Variants in EMILIN3 observed in about 807,000 individuals in gnomAD.
EMILIN3 encodes EMILIN-3.
Under a neutral mutation model 42.8 loss-of-function variants are expected in EMILIN3, and 38 were observed. The observed-to-expected ratio is 0.89, with a 90% CI of 0.69 to 1.16. EMILIN3 has a LOEUF of 1.16. Among genes scored for constraint, EMILIN3 ranks in the 50% most tolerant of loss-of-function variants. The probability of loss-of-function intolerance (pLI) is 0.00; values close to 1 mark genes in which losing one functional copy is unlikely to be tolerated. For synonymous variants in EMILIN3, 430 were observed against 440.5 expected (o/e 0.98, Z 0.30); for missense variants, 924 against 999.5 (o/e 0.92, Z 1.02).
rs371368537 is a variant in EMILIN3, at chr20:41,361,473, G to A, written c.2096C>T (p.Ala699Val). The A allele has an allele frequency of 6.8e-6, 11 of 1,607,308 alleles. No homozygotes were observed. The East Asian group carries it at 1.6e-4, about 23-fold the overall frequency. The change falls in exon 4 of 4, where the codon GCG becomes GTG. Residue 699 changes from alanine to valine, a missense_variant. Physicochemically the swap from Ala to Val is moderately conservative, Grantham distance 64 (BLOSUM62 0). Coordinates refer to ENST00000332312, the MANE Select transcript of EMILIN3 (RefSeq NM_052846.2). ...FDQRVAQVEGACRRLGLLAAG... is the reference protein window; with the variant it reads ...FDQRVAQVEGVCRRLGLLAAG... ...GGCCAGCAGGCCCAGCCTCCTGCAC[G>A]CACCCTCCACTTGTGCCACCCGCTG...
chr20:41,363,142 T>TA, intron 3 of EMILIN3, 88 bp from the exon 4 acceptor site: 14 of 1,192,354 alleles, frequency 1.2e-5, no homozygotes, highest in Non-Finnish European at 1.6e-5. Context: ...GACTTTCTGT[T>TA]CTTTTTTTTT....
rs2046355501 is a variant in EMILIN3 at position 41,361,225 on chromosome 20, C to T, written c.*43G>A. On this transcript the variant is annotated 3_prime_UTR_variant, in exon 4 of 4. Coordinates refer to ENST00000332312, the MANE Select transcript of EMILIN3 (RefSeq NM_052846.2). ...AAGGCTGGGCTCTGGGGTGATGTTC[C>T]CCGAGTTGGTGGGATCTAGGGGTTG... is the stretch of plus-strand genomic sequence containing the variant. 3.9e-6 allele frequency: 6 copies of T among 1,522,624 alleles called. No individual in the cohort carries two copies. The East Asian group carries it at 1.4e-4, about 35-fold the overall frequency. 94.3% of individuals were successfully genotyped at this position (1,522,624 alleles called of 1,614,324 possible). A position where few individuals can be genotyped will look rare whatever the true frequency, so the allele number is the denominator to read the frequency against.
At chr20:41,363,943 C>G (rs2046381306) in intron 2 of EMILIN3, 82 bp from the exon 3 acceptor site, 1 of 1,331,852 alleles carries the variant, frequency 7.5e-7, no homozygotes, top group South Asian at 1.3e-5. Context: ...GGGCCGCCCT[C>G]AGACACTTGC....
rs1178370008 is a variant in EMILIN3, at chr20:41,366,609, C to G, written c.26G>C (p.Trp9Ser). 1.8e-6 allele frequency: 2 copies of G among 1,083,986 alleles called. No individual in the cohort carries two copies. Among genetic ancestry groups the G allele is most frequent in the Admixed American group, 5.3e-5 (1 of 18,850 alleles). The allele number at this position is 1,083,986 out of a possible 1,614,324, so 67.1% of individuals were successfully genotyped here. The change falls in exon 1 of 4, where the codon TGG becomes TCG. Residue 9 changes from tryptophan (W) to serine (S), a missense_variant. Transcript: ENST00000332312. This position sits in a 1 kb window ranked among gnomAD's most constrained non-coding sequence, Gnocchi z 4.2. MGRRRLLV[W>S]LCAVAALLSG... The stretch of plus-strand genomic sequence containing the variant: ...GAGCAGCGCCGCGACGGCGCACAGC[C>G]AGACGAGCAGGCGGCGGCGGCCCAT...
Position 41,361,018 on chromosome 20 carries a change from T to C in EMILIN3, c.*250A>G, listed in dbSNP as rs940766539. 1.7e-5 allele frequency: 8 copies of C among 478,206 alleles called. No individual in the cohort carries two copies. The highest frequency in any genetic ancestry group is 2.2e-5 in the Non-Finnish European group (6 of 271,020). 29.6% of individuals were successfully genotyped at this position (478,206 alleles called of 1,614,324 possible). A position where few individuals can be genotyped will look rare whatever the true frequency, so the allele number is the denominator to read the frequency against. On this transcript the variant is annotated 3_prime_UTR_variant, in exon 4 of 4. Transcript: ENST00000332312. ...TTTGCTGACAGTGGAATGTGAACTC[T>C]CTCAAGTCTACCCTGGCCTTCAAGC...
chr20:41,362,574 AG>A lies in EMILIN3; in HGVS notation c.994del (p.Leu332CysfsTer45). 1 of 1,600,662 alleles carries A rather than the reference AG, an allele frequency of 6.2e-7. No individual in the cohort carries two copies. The highest frequency in any genetic ancestry group is 8.5e-7 in the Non-Finnish European group (1 of 1,179,344). On this transcript the variant is annotated frameshift_variant, in exon 4 of 4. Transcript: ENST00000332312. LOFTEE classifies it high-confidence loss of function. The part of the protein sequence containing the change: ...KLQGVQSECD[L>X]RVQEVRRQCE... ...TTGCCGCCGTACCTCCTGCACCCGC[AG>A]GTCACACTCACTCTGGACGCCTTGC... is the stretch of plus-strand genomic sequence containing the variant.
chr20:41,366,443 C>T lies in EMILIN3; in HGVS notation c.167+25G>A. The T allele has an allele frequency of 2.7e-6, 3 of 1,114,528 alleles. No individual in the cohort carries two copies. Among genetic ancestry groups the T allele is most frequent in the Non-Finnish European group, 2.2e-6 (2 of 913,396 alleles). 69.0% of individuals were successfully genotyped at this position (1,114,528 alleles called of 1,614,324 possible). ...CGCGCGGGCCCATCCCTCCCTCTTC[C>T]CGCCCGCCGCCCGCCCGCGCTTACT... On this transcript the variant is annotated intron_variant, in intron 1 of 3. Coordinates refer to ENST00000332312, the MANE Select transcript of EMILIN3 (RefSeq NM_052846.2). The surrounding 1 kb of genome is among the most constrained non-coding windows in gnomAD (Gnocchi z 4.2).
rs1183091391 is a variant in EMILIN3 at position 41,366,577 on chromosome 20, C to T, written c.58G>A (p.Ala20Thr). The T allele has an allele frequency of 6.3e-6, 7 of 1,117,940 alleles. No individual in the cohort carries two copies. The highest frequency in any genetic ancestry group is 4.2e-5 in the South Asian group (1 of 23,706). 69.3% of individuals were successfully genotyped at this position (1,117,940 alleles called of 1,614,324 possible). A position where few individuals can be genotyped will look rare whatever the true frequency, so the allele number is the denominator to read the frequency against. ...LCAVAALLSG[A>T]QARGTPLLAR... ...AGGAGCGGGGTGCCCCTGGCCTGCG[C>T]CCCCGAGAGCAGCGCCGCGACGGCG... The change falls in exon 1 of 4, where the codon GCG (alanine) becomes ACG (threonine). Residue 20 changes from alanine (A) to threonine (T), a missense_variant. By Grantham distance (58) the Ala-to-Thr change is moderately conservative. Coordinates refer to ENST00000332312, the MANE Select transcript of EMILIN3 (RefSeq NM_052846.2). This position sits in a 1 kb window ranked among gnomAD's most constrained non-coding sequence, Gnocchi z 4.2.
At position 41,362,122 on chromosome 20, in the gene EMILIN3, T is replaced by C; in HGVS notation, c.1447A>G (p.Thr483Ala). The C allele has an allele frequency of 6.2e-7, 1 of 1,606,428 alleles. No individual in the cohort carries two copies. The highest frequency in any genetic ancestry group is 8.5e-7 in the Non-Finnish European group (1 of 1,174,270). ...RVQSLEERLA[T>A]LAGELSHDSA... is the part of the protein sequence containing the mutation. ...TCATGGCTTAGCTCCCCAGCCAATG[T>C]TGCTAGGCGCTCCTCGAGGCTCTGC... The change falls in exon 4 of 4, where the codon ACA becomes GCA. Residue 483 changes from threonine to alanine, a missense_variant. Coordinates refer to ENST00000332312, the MANE Select transcript of EMILIN3 (RefSeq NM_052846.2).
At position 41,361,354 on chromosome 20, in the gene EMILIN3, T is replaced by C. The variant is rs748837837; in HGVS notation, c.2215A>G (p.Thr739Ala). ...DQLNRTLAQH[T>A]QDIARLRDDL... is the part of the protein sequence containing the mutation. ...TCCCGGAGGCGGGCAATGTCCTGCG[T>C]GTGCTGGGCCAGCGTACGATTCAGC... The change falls in exon 4 of 4, where the codon ACG becomes GCG. Residue 739 changes from threonine (T) to alanine (A), a missense_variant. Transcript: ENST00000332312. 2.5e-6 allele frequency: 4 copies of C among 1,612,922 alleles called. No individual in the cohort carries two copies. The African/African-American group carries it at 5.3e-5, about 21-fold the overall frequency.
intron 2 of EMILIN3, among the ~76,000 whole-genome samples, chr20:41,364,305 C>T (rs1001494274): frequency 6.6e-6 from 1 of 152,144 alleles, no homozygotes; most frequent in Non-Finnish European, 1.5e-5. Flanking sequence ...GGGGGCCACT[C>T]TTGGCTCCTA....
At position 41,360,976 on chromosome 20, in the gene EMILIN3, G is replaced by A; in HGVS notation, c.*292C>T. ...CCAGCCATGCTCAGGCCCTGCAGCT[G>A]GCTGTCCAGACACTGATTTGCTGAC... On this transcript the variant is annotated 3_prime_UTR_variant, in exon 4 of 4. Transcript: ENST00000332312. 1 of 439,776 alleles carries A rather than the reference G, an allele frequency of 2.3e-6. No homozygotes were observed. The highest frequency in any genetic ancestry group is 5.1e-5 in the South Asian group (1 of 19,740). 27.2% of individuals were successfully genotyped at this position (439,776 alleles called of 1,614,324 possible).
chr20:41,366,049 C>G lies in EMILIN3; in HGVS notation c.167+419G>C, dbSNP rs2046391816. 6.6e-6 allele frequency among the ~76,000 whole-genome samples: 1 copy of G among 152,090 alleles called. No homozygotes were observed. The highest frequency in any genetic ancestry group is 1.5e-5 in the Non-Finnish European group (1 of 67,982). Reference sequence around the variant, plus strand: ...GGGCAGCGGCCGCCCGGATGCGCAGCTCTATCTCCTACCTGGCCGGGCCAG... The same window carrying G: ...GGGCAGCGGCCGCCCGGATGCGCAGGTCTATCTCCTACCTGGCCGGGCCAG... On this transcript the variant is annotated intron_variant, in intron 1 of 3. Coordinates refer to ENST00000332312, the MANE Select transcript of EMILIN3 (RefSeq NM_052846.2). The surrounding 1 kb of genome is among the most constrained non-coding windows in gnomAD (Gnocchi z 4.2).
Position 41,363,036 on chromosome 20 carries a change from A to C in EMILIN3, c.533T>G (p.Leu178Arg). 1 of 1,586,052 alleles carries C rather than the reference A, an allele frequency of 6.3e-7. No homozygotes were observed. Among genetic ancestry groups the C allele is most frequent in the Non-Finnish European group, 8.6e-7 (1 of 1,160,830 alleles). The change falls in exon 4 of 4, where the codon CTG (leucine) becomes CGG (arginine). Residue 178 changes from leucine to arginine, a missense_variant. Transcript: ENST00000332312. ...PSPHGRKGPG[L>R]FGERLERLEG... The stretch of plus-strand genomic sequence containing the variant: ...CAGGCGTTCCAGCCGCTCACCAAAC[A>C]GCCCTGGGCCTTTCCTTCCTGGGAA...
At chr20:41,365,941 C>CG (rs2046391307) in intron 1 of EMILIN3, among the ~76,000 whole-genome samples, 1 of 151,468 alleles carries the variant, frequency 6.6e-6, no homozygotes, top group Admixed American at 6.6e-5. Context: ...AGCACAGGCC[C>CG]GGAGCCAGGA....
chr20:41,363,363 G>C (rs570097685), intron 3 of EMILIN3, among the ~76,000 whole-genome samples: 1 of 152,026 alleles, frequency 6.6e-6, no homozygotes, highest in Non-Finnish European at 1.5e-5. Flanking sequence ...GGATGGTCTC[G>C]ATCTCCTAAC....
chr20:41,362,737 C>T lies in EMILIN3; in HGVS notation c.832G>A (p.Gly278Ser). The T allele has an allele frequency of 6.2e-7, 1 of 1,614,146 alleles. No individual in the cohort carries two copies. Among genetic ancestry groups the T allele is most frequent in the Non-Finnish European group, 8.5e-7 (1 of 1,180,008 alleles). ...AGCCGCTGCAGGTGGGCCTCATGGC[C>T]AAGTGCCAGCCCATGCACCTTGTCT... ...LLDKVHGLALGHEAHLQRLRE... is the reference protein window; with the variant it reads ...LLDKVHGLALSHEAHLQRLRE... The change falls in exon 4 of 4, where the codon GGC becomes AGC. Residue 278 changes from glycine (G) to serine (S), a missense_variant. Coordinates refer to ENST00000332312, the MANE Select transcript of EMILIN3 (RefSeq NM_052846.2).
Position 41,363,672 on chromosome 20 carries a change from G to C in EMILIN3, c.480C>G (p.Pro160=). The C allele has an allele frequency of 2.5e-6, 4 of 1,613,304 alleles. No homozygotes were observed. The highest frequency in any genetic ancestry group is 3.4e-6 in the Non-Finnish European group (4 of 1,179,728). Residue 160 remains proline (P), a synonymous_variant, in exon 3 of 4, where the codon CCC becomes CCG. Coordinates refer to ENST00000332312, the MANE Select transcript of EMILIN3 (RefSeq NM_052846.2). ...PSGQLDPGPR[P]PSYSRAAPSP... is the part of the protein sequence containing the mutation. ...TGGGGGCTGCTCTGCTGTAGGAAGG[G>C]GGCCTGGGGCCTGGGTCCAGCTGCC...
chr20:41,361,610 G>T lies in EMILIN3; in HGVS notation c.1959C>A (p.Asn653Lys). The T allele has an allele frequency of 1.2e-6, 2 of 1,610,448 alleles. No homozygotes were observed. Among genetic ancestry groups the T allele is most frequent in the Non-Finnish European group, 1.7e-6 (2 of 1,179,702 alleles). Residue 653 changes from asparagine to lysine, a missense_variant, in exon 4 of 4, where the codon AAC becomes AAA. By Grantham distance (94) the Asn-to-Lys change is moderately conservative. Coordinates refer to ENST00000332312, the MANE Select transcript of EMILIN3 (RefSeq NM_052846.2). ...RLQAGHRQVLNLRGELEQLKA... is the reference protein window; with the variant it reads ...RLQAGHRQVLKLRGELEQLKA... ...TGAGTTGCTCCAGCTCCCCACGCAG[G>T]TTCAGGACCTGCCTGTGGCCAGCCT... is the stretch of plus-strand genomic sequence containing the variant.
Sources: allele counts gnomAD v4.1 joint callset (sites outside exome capture counted in the v4.1 genomes callset), GRCh38; gene constraint gnomAD v4.1.1; non-coding constraint Gnocchi (gnomAD v3.1); transcripts MANE v1.5; gene names NCBI Gene and HGNC (gene_info 2026-07-23, HGNC 2026-07-21).